Variants in PDE6A observed in about 807,000 individuals in gnomAD.
The protein encoded by PDE6A is phosphodiesterase 6A.
A neutral mutation model predicts 106.3 loss-of-function variants in PDE6A; 84 were observed. The ratio of observed to expected loss-of-function variants is 0.79; its 90% confidence interval spans 0.66 to 0.95. The LOEUF is 0.95. Ranked by LOEUF, PDE6A falls within the 40% of genes least tolerant of loss-of-function variation. The pLI is 0.00. For missense variants in PDE6A, 1,052 were observed against 1,084.9 expected (o/e 0.97, Z 0.43); for synonymous variants, 394 against 386.6 (o/e 1.02, Z -0.23).
intron 1 of PDE6A, among the ~76,000 whole-genome samples, chr5:149,943,223 C>T (rs1754368258): frequency 6.6e-6 from 1 of 152,166 alleles, no homozygotes; most frequent in Admixed American, 6.5e-5. Flanking sequence ...ATGACTTTTA[C>T]CAAGCATACT....
intron 8 of PDE6A, among the ~76,000 whole-genome samples, chr5:149,902,215 T>C (rs1368129271): frequency 2.6e-5 from 4 of 152,202 alleles, no homozygotes; most frequent in African/African-American, 9.6e-5. Context: ...TGGCTTATTC[T>C]AGTTCCTTCC....
At chr5:149,917,837 CT>C (rs1753598079) in intron 5 of PDE6A, among the ~76,000 whole-genome samples, 3 of 152,180 alleles carry the variant, frequency 2.0e-5, no homozygotes, top group Admixed American at 2.0e-4. Flanking sequence ...AGTAGCAGCT[CT>C]CTTTCCCCAA....
chr5:149,888,443 ATTTC>A (rs1157830358), intron 13 of PDE6A, among the ~76,000 whole-genome samples: 1 of 148,696 alleles, frequency 6.7e-6, no homozygotes, highest in South Asian at 2.1e-4. Context: ...ATTAATATAT[ATTTC>A]TTTATTTAGA....
At chr5:149,889,703 C>T (rs1271855682) in intron 13 of PDE6A, among the ~76,000 whole-genome samples, 3 of 151,958 alleles carry the variant, frequency 2.0e-5, no homozygotes, top group Non-Finnish European at 2.9e-5. Context: ...GTCAGGAGTT[C>T]GAGATCAGCC....
chr5:149,874,661 A>G (rs1016626603), intron 17 of PDE6A, among the ~76,000 whole-genome samples: 5 of 152,154 alleles, frequency 3.3e-5, no homozygotes, highest in African/African-American at 1.2e-4. Flanking sequence ...GATGGGGCTG[A>G]AAGTTCCAAG....
chr5:149,921,750 G>T, intron 4 of PDE6A, 41 bp from the exon 5 acceptor site: 1 of 1,526,720 alleles, frequency 6.5e-7, no homozygotes, highest in Non-Finnish European at 9.1e-7. Flanking sequence ...TTTGAAAAGA[G>T]ATCAAGGAAA....
At position 149,884,821 on chromosome 5, in the gene PDE6A, T is replaced by C. The variant is rs777488686; in HGVS notation, c.1885A>G (p.Arg629Gly). ...GTTTTGCCAAACTCCAAGTGGTGTC[T>C]TTCCAAGATAGAGGACCCATGGAGC... is the stretch of plus-strand genomic sequence containing the variant. ...AKLHGSSILE[R>G]HHLEFGKTLL... The change falls in exon 15 of 22, where the codon AGA becomes GGA. Residue 629 changes from arginine to glycine, a missense_variant. Arg to Gly is a moderately radical substitution (Grantham distance 125, BLOSUM62 -2). Transcript: ENST00000255266. 6.2e-7 allele frequency: 1 copy of C among 1,614,214 alleles called. No individual in the cohort carries two copies. The highest frequency in any genetic ancestry group is 8.5e-7 in the Non-Finnish European group (1 of 1,180,034).
chr5:149,898,982 G>A (rs914776271), intron 9 of PDE6A, among the ~76,000 whole-genome samples: 4 of 152,116 alleles, frequency 2.6e-5, no homozygotes, highest in Non-Finnish European at 5.9e-5. Context: ...TCTTGCTTCA[G>A]TCTCCTGAGT....
intron 17 of PDE6A, among the ~76,000 whole-genome samples, chr5:149,873,021 C>T (rs6892538): frequency 2.4e-3 from 366 of 152,118 alleles, no homozygotes; most frequent in African/African-American, 8.2e-3. Context: ...AACAGAGCAC[C>T]GAGGGCCCAC....
At chr5:149,928,150 CAT>C (rs1271797068) in intron 4 of PDE6A, among the ~76,000 whole-genome samples, 23 of 139,844 alleles carry the variant, frequency 1.6e-4, no homozygotes, top group Non-Finnish European at 3.2e-4. Flanking sequence ...AAACCAGTAA[CAT>C]AGTTTTCTAG....
At chr5:149,922,832 A>G (rs111857156) in intron 4 of PDE6A, among the ~76,000 whole-genome samples, 70 of 152,376 alleles carry the variant, frequency 4.6e-4, no homozygotes, top group African/African-American at 1.6e-3. Context: ...GCTAAAGCAA[A>G]ATACACAGGT....
At chr5:149,884,600 G>A (rs75282782) in intron 15 of PDE6A, 21 bp from the exon 16 acceptor site, 41 of 1,581,738 alleles carry the variant, frequency 2.6e-5, no homozygotes, top group Middle Eastern at 1.7e-4. Context: ...AAAGAGAAGC[G>A]AGATGGGAGA....
At chr5:149,906,893 T>C (rs977101195) in intron 7 of PDE6A, among the ~76,000 whole-genome samples, 1 of 152,106 alleles carries the variant, frequency 6.6e-6, no homozygotes, top group African/African-American at 2.4e-5. Context: ...TGCCTCAGCC[T>C]CCCAAGTAGC....
intron 13 of PDE6A, 66 bp from the exon 14 acceptor site, chr5:149,886,440 C>A: frequency 8.0e-7 from 1 of 1,243,450 alleles, no homozygotes; most frequent in Non-Finnish European, 1.2e-6. Flanking sequence ...GCTGAAAAGG[C>A]GGGTGTAAGG....
chr5:149,869,490 G>A (rs1019219151), intron 17 of PDE6A, among the ~76,000 whole-genome samples: 1 of 152,214 alleles, frequency 6.6e-6, no homozygotes, highest in Non-Finnish European at 1.5e-5. Context: ...AGGGGACACG[G>A]ACAAAGAACT....
intron 4 of PDE6A, among the ~76,000 whole-genome samples, chr5:149,929,254 T>C (rs1417748758): frequency 1.3e-5 from 2 of 152,180 alleles, no homozygotes; most frequent in Admixed American, 1.3e-4. Flanking sequence ...CTGTAGATTG[T>C]ACATATGATG....
At chr5:149,939,522 C>T (rs74522110) in intron 1 of PDE6A, among the ~76,000 whole-genome samples, 5,259 of 152,156 alleles carry the variant, frequency 0.035, 334 homozygotes, top group African/African-American at 0.12. Context: ...TCCTTAACAA[C>T]GACAACAATA....
chr5:149,894,365 AGAACACATGATGTGTTTATGGGAGCAG>A (rs1014131574), intron 13 of PDE6A, among the ~76,000 whole-genome samples: 1 of 152,118 alleles, frequency 6.6e-6, no homozygotes, highest in African/African-American at 2.4e-5. Flanking sequence ...TCTGGGGAAA[AGAACACATGATGTGTTTATGGGAGCAG>A]CTAACAGGTG....
At chr5:149,927,269 G>A (rs7728094) in intron 4 of PDE6A, among the ~76,000 whole-genome samples, 39,484 of 151,808 alleles carry the variant, frequency 0.26, 6,549 homozygotes, top group African/African-American at 0.46. Flanking sequence ...GCGGGACTGA[G>A]AGTTGCTCTG....
Sources: allele counts gnomAD v4.1 joint callset (sites outside exome capture counted in the v4.1 genomes callset), GRCh38; gene constraint gnomAD v4.1.1; transcripts MANE v1.5; gene names NCBI Gene and HGNC (gene_info 2026-07-23, HGNC 2026-07-21).